DYRK1A: variants seen among roughly 807,000 people sequenced by gnomAD.
The protein encoded by DYRK1A is dual specificity tyrosine-phosphorylation-regulated kinase 1A.
In DYRK1A, 9 loss-of-function variants were observed where a neutral mutation model predicts 79.7. The ratio of observed to expected loss-of-function variants is 0.11; its 90% confidence interval spans 0.07 to 0.20. The LOEUF is 0.20. Among genes scored for constraint, DYRK1A ranks in the 10% least tolerant of loss-of-function variants. The probability of loss-of-function intolerance (pLI) is 1.00; values close to 1 mark genes in which losing one functional copy is unlikely to be tolerated. For synonymous variants in DYRK1A, 349 were observed against 329.7 expected (o/e 1.06, Z -0.63); for missense variants, 622 against 956.0 (o/e 0.65, Z 4.61).
rs777693335 is a variant in DYRK1A at position 37,511,899 on chromosome 21, C to G, written c.1645-12C>G. ...TCCTCTGAAAAATCCTTTTAAAAAT[C>G]TGTTCTTTCAGGTGCGTCAGCAATT... On this transcript the variant is annotated splice_polypyrimidine_tract_variant and intron_variant, in intron 11 of 11. Coordinates refer to ENST00000647188, the MANE Select transcript of DYRK1A (RefSeq NM_001347721.2). The G allele has an allele frequency of 1.1e-5, 18 of 1,604,244 alleles. No individual in the cohort carries two copies. Among genetic ancestry groups the G allele is most frequent in the Non-Finnish European group, 1.5e-5 (18 of 1,173,238 alleles).
At chr21:37,462,567 G>A (rs139945067) in intron 2 of DYRK1A, among the ~76,000 whole-genome samples, 1 of 152,130 alleles carries the variant, frequency 6.6e-6, no homozygotes, top group Non-Finnish European at 1.5e-5. Context: ...TGGCTTCATG[G>A]TCCTTCTCCC....
Position 37,480,753 on chromosome 21 carries a change from T to C in DYRK1A, c.416T>C (p.Ile139Thr). Residue 139 changes from isoleucine to threonine, a missense_variant, in exon 5 of 12, where the codon ATT (isoleucine) becomes ACT (threonine). Coordinates refer to ENST00000647188, the MANE Select transcript of DYRK1A (RefSeq NM_001347721.2). The part of the protein sequence containing the change: ...DGYDDDNYDY[I>T]VKNGEKWMDR... ...TATGATGATGATAACTATGATTATA[T>C]TGTAAAAAACGGAGAAAAGTGGATG... 1 of 1,612,918 alleles carries C rather than the reference T, an allele frequency of 6.2e-7. No homozygotes were observed.
intron 7 of DYRK1A, 36 bp from the exon 8 acceptor site, chr21:37,492,981 G>A (rs1335858598): frequency 1.3e-6 from 2 of 1,524,608 alleles, no homozygotes; most frequent in African/African-American, 1.4e-5. Context: ...GCAGTTTTAA[G>A]CAATTGAAGT....
intron 5 of DYRK1A, chr21:37,481,732 G>T (rs915424967): frequency 1.3e-5 from 2 of 152,074 alleles, no homozygotes; most frequent in Non-Finnish European, 2.9e-5. Context: ...CGGGTCAGGC[G>T]TGGTGACTCA....
At chr21:37,478,096 C>G (rs2052465376) in intron 3 of DYRK1A, 112 bp from the exon 4 acceptor site, 1 of 1,440,702 alleles carries the variant, frequency 6.9e-7, no homozygotes, top group Non-Finnish European at 9.5e-7. Context: ...GTGTAGCTGT[C>G]TTTAAAAAAG....
At chr21:37,495,662 G>T (rs2053245870) in intron 8 of DYRK1A, among the ~76,000 whole-genome samples, 2 of 152,084 alleles carry the variant, frequency 1.3e-5, no homozygotes, top group African/African-American at 4.8e-5. Context: ...GGTGGTACAT[G>T]CCTGTAGTCC....
upstream of DYRK1A, chr21:37,366,268 TCCCCCGCCCGGGGCAGCCCGCCCCTCC>T (rs1007979490): frequency 7.1e-6 from 1 of 139,880 alleles, no homozygotes; most frequent in African/African-American, 2.6e-5. Flanking sequence ...CTCCTCCCCC[TCCCCCGCCCGGGGCAGCCCGCCCCTCC>T]CCCCGGCGCG....
chr21:37,432,574 C>T (rs1291383721), intron 2 of DYRK1A, among the ~76,000 whole-genome samples: 1 of 152,064 alleles, frequency 6.6e-6, no homozygotes, highest in African/African-American at 2.4e-5. Context: ...ATTTTATCCA[C>T]TTGATATTTT....
chr21:37,479,609 T>TG (rs1569362175), intron 4 of DYRK1A, among the ~76,000 whole-genome samples: 1 of 69,568 alleles, frequency 1.4e-5, no homozygotes, highest in Non-Finnish European at 2.4e-5. Context: ...TGTTTTTGTT[T>TG]TTGTTTTTTG....
chr21:37,458,676 G>A (rs769180266), intron 2 of DYRK1A, among the ~76,000 whole-genome samples: 1 of 152,226 alleles, frequency 6.6e-6, no homozygotes. Context: ...CCTAATGTCT[G>A]TCTTCTGTAG....
intron 2 of DYRK1A, among the ~76,000 whole-genome samples, chr21:37,436,868 A>T (rs2050940039): frequency 6.6e-6 from 1 of 152,234 alleles, no homozygotes. Context: ...ACAGAGGTGG[A>T]TATGTCTTTA....
At chr21:37,395,232 G>A (rs114266274) in intron 1 of DYRK1A, among the ~76,000 whole-genome samples, 1,538 of 152,334 alleles carry the variant, frequency 0.01, 22 homozygotes, top group African/African-American at 0.034. Context: ...TAGATTCTCA[G>A]GTTTAACCTA....
At chr21:37,377,845 T>C (rs1311491154) in intron 1 of DYRK1A, among the ~76,000 whole-genome samples, 2 of 152,162 alleles carry the variant, frequency 1.3e-5, no homozygotes, top group Non-Finnish European at 2.9e-5. Flanking sequence ...TAAGTTCATA[T>C]TTTTGCTCTT....
At chr21:37,426,633 G>A (rs529037797) in intron 2 of DYRK1A, among the ~76,000 whole-genome samples, 43 of 151,948 alleles carry the variant, frequency 2.8e-4, no homozygotes, top group Middle Eastern at 3.4e-3. Flanking sequence ...ATAACCAGCC[G>A]GGTGTGGTGG....
chr21:37,502,917 A>G (rs181974649), intron 9 of DYRK1A: 68 of 152,332 alleles, frequency 4.5e-4, no homozygotes, highest in Admixed American at 4.2e-3. Context: ...AAAGAAAAAG[A>G]TGTTACGATA....
intron 1 of DYRK1A, among the ~76,000 whole-genome samples, chr21:37,417,533 T>TTCTTTTTCTTTTTCTTTTTCTTTTC (rs1555959266): frequency 1.4e-5 from 1 of 73,132 alleles, no homozygotes; most frequent in African/African-American, 4.7e-5. Context: ...CTTTTTCTTT[T>TTCTTTTTCTTTTTCTTTTTCTTTTC]TTTTTTTTTT....
chr21:37,366,336 C>A (rs1392586431), upstream of DYRK1A, among the ~76,000 whole-genome samples: 3 of 145,206 alleles, frequency 2.1e-5, no homozygotes, highest in Non-Finnish European at 4.6e-5. Context: ...CGCGGAAGCG[C>A]GGGGCGCTAG....
chr21:37,495,123 G>A (rs1285506561), intron 8 of DYRK1A, among the ~76,000 whole-genome samples: 2 of 149,066 alleles, frequency 1.3e-5, no homozygotes, highest in Non-Finnish European at 3.0e-5. Flanking sequence ...TACTTTATTA[G>A]GTCCATACTT....
At chr21:37,441,210 CTT>C (rs1433717741) in intron 2 of DYRK1A, among the ~76,000 whole-genome samples, 1 of 152,052 alleles carries the variant, frequency 6.6e-6, no homozygotes, top group African/African-American at 2.4e-5. Context: ...GCCATTCTGT[CTT>C]AATTTTGATA....
Sources: allele counts gnomAD v4.1 joint callset (sites outside exome capture counted in the v4.1 genomes callset), GRCh38; gene constraint gnomAD v4.1.1; transcripts MANE v1.5; gene names NCBI Gene and HGNC (gene_info 2026-07-23, HGNC 2026-07-21).